PAH: variants seen among roughly 807,000 people sequenced by gnomAD.
PAH encodes the protein phenylalanine-4-hydroxylase.
Under a neutral mutation model 62.0 loss-of-function variants are expected in PAH, and 64 were observed. The ratio of observed to expected loss-of-function variants is 1.03; its 90% CI spans 0.84 to 1.27. The LOEUF is 1.27. Ranked by LOEUF, PAH falls within the 50% of genes most tolerant of loss-of-function variation. The probability of loss-of-function intolerance (pLI) is 0.00; values close to 1 mark genes in which losing one functional copy is unlikely to be tolerated. For synonymous variants in PAH, 195 were observed against 196.2 expected (o/e 0.99, Z 0.05); for missense variants, 579 against 542.8 (o/e 1.07, Z -0.66).
intron 2 of PAH, among the ~76,000 whole-genome samples, chr12:102,896,701 G>C (rs1011298972): frequency 6.6e-6 from 1 of 152,072 alleles, no homozygotes; most frequent in Non-Finnish European, 1.5e-5. Context: ...AATGGAAAAA[G>C]TCCATCATAT....
At chr12:102,862,581 G>A (rs1875776302) in intron 5 of PAH, among the ~76,000 whole-genome samples, 1 of 151,910 alleles carries the variant, frequency 6.6e-6, no homozygotes. Context: ...TAAAAAAAAA[G>A]TCCTTTTGAA....
At chr12:102,909,117 C>T (rs1878102903) in intron 2 of PAH, among the ~76,000 whole-genome samples, 1 of 152,240 alleles carries the variant, frequency 6.6e-6, no homozygotes, top group East Asian at 1.9e-4. Flanking sequence ...CGTGAGCCAC[C>T]GTGCCTGGCC....
At chr12:102,929,808 A>G (rs888433866) in intron 1 of PAH, among the ~76,000 whole-genome samples, 3 of 152,300 alleles carry the variant, frequency 2.0e-5, no homozygotes, top group Non-Finnish European at 4.4e-5. Flanking sequence ...CAGTTTAGAT[A>G]TGAGCCAGCA....
chr12:102,882,642 CTATATATATA>C (rs869088873), intron 3 of PAH, among the ~76,000 whole-genome samples: 21 of 85,868 alleles, frequency 2.4e-4, no homozygotes, highest in Non-Finnish European at 4.0e-4. Context: ...TATATATACA[CTATATATATA>C]TATATATATA....
chr12:102,924,874 CTG>C (rs1259975302), intron 1 of PAH, among the ~76,000 whole-genome samples: 1 of 152,088 alleles, frequency 6.6e-6, no homozygotes, highest in Non-Finnish European at 1.5e-5. Flanking sequence ...GAACAATAAA[CTG>C]TGTAAATTCA....
At chr12:102,920,221 C>T (rs545828527), upstream of PAH, among the ~76,000 whole-genome samples, 2 of 152,266 alleles carry the variant, frequency 1.3e-5, no homozygotes, top group East Asian at 1.9e-4. Flanking sequence ...ATTGCTTGTG[C>T]CATAAACTTG....
chr12:102,882,517 C>A (rs1039095089), intron 3 of PAH, among the ~76,000 whole-genome samples: 2 of 151,600 alleles, frequency 1.3e-5, no homozygotes, highest in Non-Finnish European at 2.9e-5. Context: ...TTATGGAAAA[C>A]AATACTGGCA....
chr12:102,883,108 T>C (rs1876890816), intron 3 of PAH, among the ~76,000 whole-genome samples: 1 of 152,186 alleles, frequency 6.6e-6, no homozygotes, highest in Non-Finnish European at 1.5e-5. Context: ...ATTAGATTTA[T>C]CGGCGCAGCA....
At chr12:102,847,036 T>A (rs183098133) in intron 8 of PAH, 85 bp from the exon 9 acceptor site, 2 of 1,113,476 alleles carry the variant, frequency 1.8e-6, no homozygotes, top group East Asian at 2.4e-5. Context: ...AAAAAGGTGA[T>A]GGGTGGCCAG....
chr12:102,907,859 C>G (rs1878038375), intron 2 of PAH, among the ~76,000 whole-genome samples: 1 of 152,168 alleles, frequency 6.6e-6, no homozygotes, highest in African/African-American at 2.4e-5. Flanking sequence ...CTCAAGTGAT[C>G]TGCCCGCCTT....
chr12:102,851,793 G>A, intron 7 of PAH, 37 bp from the exon 8 acceptor site: 1 of 1,564,814 alleles, frequency 6.4e-7, no homozygotes, highest in Non-Finnish European at 8.8e-7. Flanking sequence ...CGGAGGGGAG[G>A]AGGTTTAAGC....
At chr12:102,862,392 A>G (rs1282153754) in intron 5 of PAH, among the ~76,000 whole-genome samples, 3 of 152,096 alleles carry the variant, frequency 2.0e-5, no homozygotes, top group Non-Finnish European at 4.4e-5. Context: ...CACTGAGTCT[A>G]ATGAAGGGTG....
chr12:102,866,495 T>A (rs10860933), intron 5 of PAH, 101 bp downstream of exon 5: 4 of 905,234 alleles, frequency 4.4e-6, no homozygotes, highest in Admixed American at 1.7e-5. Flanking sequence ...GGCAGGACTC[T>A]TCATGCTGGT....
rs1875350888 is a variant in PAH, at chr12:102,855,121, C to T, written c.706+15G>A. The T allele has an allele frequency of 1.2e-6, 2 of 1,609,420 alleles. No homozygotes were observed. Among genetic ancestry groups the T allele is most frequent in the Non-Finnish European group, 1.7e-6 (2 of 1,175,814 alleles). ...CCAACTTTCTGCAGGGCCATTGACC[C>T]TGATGTGGACTTACTCTGCAGGAAC... On this transcript the variant is annotated intron_variant, in intron 6 of 12. Coordinates refer to ENST00000553106, the MANE Select transcript of PAH (RefSeq NM_000277.3).
chr12:102,852,776 A>T, intron 7 of PAH, 39 bp downstream of exon 7: 1 of 1,613,706 alleles, frequency 6.2e-7, no homozygotes, highest in Admixed American at 1.7e-5. Context: ...GATGGCGCTC[A>T]TTGTGCCTGG....
Position 102,871,936 on chromosome 12 carries a change from AAAAAAAAAAAAAAATATATATATAT to A in PAH, c.442-5298_442-5274del, listed in dbSNP as rs1284997189. Among the ~76,000 whole-genome samples the A allele has an allele frequency of 3.6e-3, 324 of 90,308 alleles. 1 individual carries two copies. Among genetic ancestry groups the A allele is most frequent in the African/African-American group, 9.2e-3 (161 of 17,438 alleles). The allele number at this position is 90,308 out of a possible 152,430, so 59.2% of individuals were successfully genotyped here. On this transcript the variant is annotated intron_variant, in intron 4 of 12. Coordinates refer to ENST00000553106, the MANE Select transcript of PAH (RefSeq NM_000277.3). ...AAACTCTGCCTCAAAAAAAAAAAAA[AAAAAAAAAAAAAAATATATATATAT>A]ATATATATATATATATATATATATT...
intron 9 of PAH, among the ~76,000 whole-genome samples, chr12:102,845,369 T>C (rs1000845026): frequency 3.9e-5 from 6 of 152,184 alleles, no homozygotes; most frequent in East Asian, 1.9e-4. Context: ...TCAGATGCTC[T>C]GAAGCTGGCA....
intron 3 of PAH, among the ~76,000 whole-genome samples, chr12:102,878,155 A>G (rs1251949396): frequency 9.9e-5 from 15 of 152,190 alleles, no homozygotes; most frequent in Non-Finnish European, 1.5e-5. Flanking sequence ...TATAGGCCCA[A>G]AATATAAATT....
In PAH at chr12:102,852,882, C is replaced by T. The variant is rs62642932; in HGVS notation, c.775G>A (p.Ala259Thr). The change falls in exon 7 of 13, where the codon GCC becomes ACC. Residue 259 changes from alanine to threonine, a missense_variant. Physicochemically the swap from Ala to Thr is moderately conservative, Grantham distance 58. Coordinates refer to ENST00000553106, the MANE Select transcript of PAH (RefSeq NM_000277.3). ...LSSRDFLGGL[A>T]FRVFHCTQYI... ...TGTGTGCAGTGGAAGACTCGGAAGG[C>T]CAGGCCACCCAAGAAATCCCGAGAG... The T allele has an allele frequency of 1.9e-6, 3 of 1,614,038 alleles. No individual in the cohort carries two copies. In the East Asian group the frequency reaches 6.7e-5, roughly 36 times the overall value.
Sources: allele counts gnomAD v4.1 joint callset (sites outside exome capture counted in the v4.1 genomes callset), GRCh38; gene constraint gnomAD v4.1.1; transcripts MANE v1.5; gene names NCBI Gene and HGNC (gene_info 2026-07-23, HGNC 2026-07-21).